The following MAST2 variants were observed in gnomAD, a reference collection of about 807,000 sequenced individuals.
MAST2 encodes the protein microtubule associated serine/threonine kinase 2, also known as microtubule-associated serine/threonine-protein kinase 2.
Under a neutral mutation model 147.4 loss-of-function variants are expected in MAST2, and 70 were observed. That is an observed-to-expected ratio of 0.47 (90% confidence interval 0.39 to 0.58). The LOEUF is 0.58. Ranked by LOEUF, MAST2 falls within the 20% of genes least tolerant of loss-of-function variation. The probability of loss-of-function intolerance (pLI) is 0.00; values close to 1 mark genes in which losing one functional copy is unlikely to be tolerated. For missense variants in MAST2, 2,080 were observed against 2,302.3 expected (o/e 0.90, Z 1.98); for synonymous variants, 869 against 896.8 (o/e 0.97, Z 0.55).
chr1:45,939,997 T>TTTTGTTTTTTTTGTTTTTTTTG (rs1426939056), intron 4 of MAST2, among the ~76,000 whole-genome samples: 1 of 144,222 alleles, frequency 6.9e-6, no homozygotes, highest in Non-Finnish European at 1.5e-5. Context: ...TTTTTTTTTT[T>TTTTGTTTTTTTTGTTTTTTTTG]TTTTGAGATG....
At chr1:45,928,207 CTT>C (rs1654716541) in intron 4 of MAST2, among the ~76,000 whole-genome samples, 1 of 152,176 alleles carries the variant, frequency 6.6e-6, no homozygotes, top group Non-Finnish European at 1.5e-5. Context: ...GTCTCTCTTG[CTT>C]ATTTTGAAGC....
intron 3 of MAST2, among the ~76,000 whole-genome samples, chr1:45,875,166 C>T (rs892396315): frequency 1.3e-5 from 2 of 152,206 alleles, no homozygotes; most frequent in African/African-American, 4.8e-5. Flanking sequence ...TTATTTTTGG[C>T]CGGGCACGGT....
chr1:45,941,603 G>A (rs1657279827), intron 4 of MAST2, among the ~76,000 whole-genome samples: 1 of 152,106 alleles, frequency 6.6e-6, no homozygotes, highest in Admixed American at 6.5e-5. Context: ...TCTACATATA[G>A]GATTGTTTTG....
chr1:46,035,923 G>T lies in MAST2; in HGVS notation c.5254G>T (p.Asp1752Tyr). 6.2e-7 allele frequency: 1 copy of T among 1,614,074 alleles called. No individual in the cohort carries two copies. Among genetic ancestry groups the T allele is most frequent in the Non-Finnish European group, 8.5e-7 (1 of 1,180,036 alleles). Residue 1752 changes from aspartate (D) to tyrosine (Y), a missense_variant, in exon 29 of 29, where the codon GAC (aspartate) becomes TAC (tyrosine). By Grantham distance (160) the Asp-to-Tyr change is radical. This residue lies in a region of MAST2 where 1,278 missense variants were observed against 1,304.2 expected (regional missense o/e 0.98). Transcript: ENST00000361297. This position sits in a 1 kb window ranked among gnomAD's most constrained non-coding sequence, Gnocchi z 5.5. ...CACCCAAGTGCCTGATGCCTCAGGT[G>T]ACAGAAGGCAGGACGTTCCATGCCG... ...SITQVPDASGDRRQDVPCRGC... is the reference protein window; with the variant it reads ...SITQVPDASGYRRQDVPCRGC...
At chr1:45,962,473 C>T (rs1269222272) in intron 5 of MAST2, among the ~76,000 whole-genome samples, 2 of 152,206 alleles carry the variant, frequency 1.3e-5, no homozygotes, top group African/African-American at 2.4e-5. Flanking sequence ...CTAACTGGTG[C>T]AAGATGATAT....
chr1:45,891,555 A>G (rs1242255584), intron 4 of MAST2, among the ~76,000 whole-genome samples: 1 of 152,220 alleles, frequency 6.6e-6, no homozygotes, highest in African/African-American at 2.4e-5. Flanking sequence ...AAAGTAGCTC[A>G]AAGACAATAA....
intron 4 of MAST2, among the ~76,000 whole-genome samples, chr1:45,902,099 G>A (rs185408632): frequency 6.6e-6 from 1 of 152,272 alleles, no homozygotes; most frequent in Non-Finnish European, 1.5e-5. Flanking sequence ...CATTCAGTAT[G>A]ATGCTATTGG....
intron 26 of MAST2, among the ~76,000 whole-genome samples, chr1:46,033,516 C>A (rs1236494182): frequency 1.3e-5 from 2 of 152,082 alleles, no homozygotes; most frequent in African/African-American, 4.8e-5. Context: ...CAAGGCAGTA[C>A]CCTCCCTGAC....
chr1:45,850,836 CT>C (rs35427966), intron 3 of MAST2, among the ~76,000 whole-genome samples: 53,207 of 113,504 alleles, frequency 0.47, 10,609 homozygotes, highest in East Asian at 0.61. Context: ...CAGTACTATG[CT>C]TTTTTTTTTT....
intron 3 of MAST2, among the ~76,000 whole-genome samples, chr1:45,876,547 A>G (rs1646614895): frequency 1.3e-5 from 2 of 152,208 alleles, no homozygotes; most frequent in South Asian, 4.1e-4. Flanking sequence ...CTGGAAGGTT[A>G]TGAGTAAAAT....
At chr1:45,952,158 AAGT>A (rs1659021322) in intron 4 of MAST2, among the ~76,000 whole-genome samples, 1 of 152,254 alleles carries the variant, frequency 6.6e-6, no homozygotes, top group Admixed American at 6.5e-5. Context: ...GATAACCAAA[AAGT>A]AGTAACAACC....
intron 4 of MAST2, among the ~76,000 whole-genome samples, chr1:45,931,205 G>A (rs1655230273): frequency 6.6e-6 from 1 of 152,134 alleles, no homozygotes; most frequent in African/African-American, 2.4e-5. Flanking sequence ...TTAATCTGAT[G>A]CAGTTTTGTA....
chr1:45,840,234 T>C (rs1192887118), intron 3 of MAST2, among the ~76,000 whole-genome samples: 1 of 152,178 alleles, frequency 6.6e-6, no homozygotes. Flanking sequence ...TATTAACAGA[T>C]TTTGTTGTCT....
chr1:45,872,553 T>G (rs959821286), intron 3 of MAST2, among the ~76,000 whole-genome samples: 1 of 151,562 alleles, frequency 6.6e-6, no homozygotes, highest in African/African-American at 2.4e-5. Context: ...CAATCTCGGC[T>G]CACCGCAACC....
At position 46,035,865 on chromosome 1, in the gene MAST2, A is replaced by G. The variant is rs368741118; in HGVS notation, c.5196A>G (p.Ala1732=). 9 of 1,613,928 alleles carry G rather than the reference A, an allele frequency of 5.6e-6. No homozygotes were observed. Among genetic ancestry groups the G allele is most frequent in the African/African-American group, 4.0e-5 (3 of 74,884 alleles). Residue 1732 remains alanine (A), a synonymous_variant, in exon 29 of 29, where the codon GCA becomes GCG. Coordinates refer to ENST00000361297, the MANE Select transcript of MAST2 (RefSeq NM_015112.3). This position sits in a 1 kb window ranked among gnomAD's most constrained non-coding sequence, Gnocchi z 5.5. Reference sequence around the variant, plus strand: ...GCTGGCTATGGGAGTCTGAGTGTGCACAAGCAGTGAAAGAGGATCCAGCCC... The same window carrying G: ...GCTGGCTATGGGAGTCTGAGTGTGCGCAAGCAGTGAAAGAGGATCCAGCCC... ...SQGWLWESEC[A]QAVKEDPALS... is the part of the protein sequence containing the mutation.
rs1360959447 is a variant in MAST2, at chr1:46,016,813, A to G, written c.1189-2783A>G. ...TACCAATGACTTTCTTCACAGAATT[A>G]GAAAAAACTACTTTAAAGTTCATAT... is the stretch of plus-strand genomic sequence containing the variant. On this transcript the variant is annotated intron_variant, in intron 10 of 28. Transcript: ENST00000361297. 5.3e-5 allele frequency among the ~76,000 whole-genome samples: 8 copies of G among 152,176 alleles called. No individual in the cohort carries two copies. In the South Asian group the frequency reaches 1.7e-3, roughly 32 times the overall value.
intron 4 of MAST2, among the ~76,000 whole-genome samples, chr1:45,951,987 A>T (rs375701782): frequency 6.6e-6 from 1 of 152,366 alleles, no homozygotes; most frequent in African/African-American, 2.4e-5. Flanking sequence ...ATCTAGATAC[A>T]TTGCAGTACT....
At chr1:45,933,613 G>T (rs1390940414) in intron 4 of MAST2, among the ~76,000 whole-genome samples, 1 of 151,380 alleles carries the variant, frequency 6.6e-6, no homozygotes, top group African/African-American at 2.4e-5. Flanking sequence ...AATTAGCTGG[G>T]CATGGTGGTG....
At chr1:45,905,588 AAC>A (rs751732147) in intron 4 of MAST2, among the ~76,000 whole-genome samples, 5 of 152,262 alleles carry the variant, frequency 3.3e-5, no homozygotes, top group Admixed American at 6.5e-5. Flanking sequence ...CATCCTGGCT[AAC>A]ACAGTGAAAC....
Sources: allele counts gnomAD v4.1 joint callset (sites outside exome capture counted in the v4.1 genomes callset), GRCh38; gene constraint gnomAD v4.1.1; regional missense constraint gnomAD v4.1.1; non-coding constraint Gnocchi (gnomAD v3.1); transcripts MANE v1.5; gene names NCBI Gene and HGNC (gene_info 2026-07-23, HGNC 2026-07-21).